Variants in CRTC3 observed in about 807,000 individuals in gnomAD.
The protein encoded by CRTC3 is CREB-regulated transcription coactivator 3.
A neutral mutation model predicts 74.5 loss-of-function variants in CRTC3; 26 were observed. That is an observed-to-expected ratio of 0.35 (90% CI 0.26 to 0.48). The LOEUF is 0.48. CRTC3 is among the 20% of genes least tolerant of loss of function. The pLI is 0.99. For missense variants in CRTC3, 760 were observed against 787.3 expected, an observed-to-expected ratio of 0.97 and a Z score of 0.41; for synonymous variants, 377 against 325.8, an observed-to-expected ratio of 1.16 and a Z score of -1.69.
chr15:90,601,116 A>G (rs906539063), intron 3 of CRTC3, among the ~76,000 whole-genome samples: 1 of 152,340 alleles, frequency 6.6e-6, no homozygotes, highest in Middle Eastern at 3.4e-3. Flanking sequence ...TAGCAGAATA[A>G]TATGATTAAC....
chr15:90,540,197 A>G (rs1331614064), intron 2 of CRTC3, 60 bp downstream of exon 2: 3 of 1,159,690 alleles, frequency 2.6e-6, no homozygotes, highest in African/African-American at 3.1e-5. Flanking sequence ...GACAAAGATT[A>G]TCACTAAAAA....
At chr15:90,636,882 A>G (rs1969257949) in intron 11 of CRTC3, among the ~76,000 whole-genome samples, 1 of 152,210 alleles carries the variant, frequency 6.6e-6, no homozygotes, top group Non-Finnish European at 1.5e-5. Flanking sequence ...TAGAATGGCA[A>G]TCATTAAAAA....
At chr15:90,573,633 CTGT>C (rs1234483204) in intron 2 of CRTC3, among the ~76,000 whole-genome samples, 1 of 151,722 alleles carries the variant, frequency 6.6e-6, no homozygotes, top group Non-Finnish European at 1.5e-5. Flanking sequence ...CTGTTTTTTA[CTGT>C]TTTTTTTCCC....
At chr15:90,636,695 T>TCAAA (rs542969950) in intron 11 of CRTC3, among the ~76,000 whole-genome samples, 1 of 151,284 alleles carries the variant, frequency 6.6e-6, no homozygotes, top group Admixed American at 6.6e-5. Flanking sequence ...TACAAAGAAC[T>TCAAA]CAAATTTACA....
chr15:90,630,386 A>G (rs1191763046), intron 11 of CRTC3, among the ~76,000 whole-genome samples: 1 of 152,346 alleles, frequency 6.6e-6, no homozygotes, highest in Non-Finnish European at 1.5e-5. Flanking sequence ...TGAGGATTAT[A>G]TCTCTTATAA....
Position 90,638,489 on chromosome 15 carries a change from A to T in CRTC3, c.1310A>T (p.Glu437Val), listed in dbSNP as rs142366939. Residue 437 changes from glutamate (E) to valine (V), a missense_variant, in exon 12 of 15, where the codon GAA becomes GTA. Glu to Val is a moderately radical substitution (Grantham distance 121). Around this residue, in one of 2 missense-constraint regions of CRTC3, gnomAD observed 652 missense variants for 635.2 expected, o/e 1.03. Transcript: ENST00000268184. Reference sequence around the variant, plus strand: ...AGCCAACTTTCCTTTCTGCCCACAGAAGCTCAAGCCCAGGTGTCGCCGCCA... The same window carrying T: ...AGCCAACTTTCCTTTCTGCCCACAGTAGCTCAAGCCCAGGTGTCGCCGCCA... ...DRSQLSFLPTEAQAQVSPPPP... is the reference protein window; with the variant it reads ...DRSQLSFLPTVAQAQVSPPPP... 6.2e-7 allele frequency: 1 copy of T among 1,614,054 alleles called. No individual in the cohort carries two copies. Among genetic ancestry groups the T allele is most frequent in the East Asian group, 2.2e-5 (1 of 44,884 alleles).
chr15:90,615,883 G>A (rs912488076), intron 7 of CRTC3, among the ~76,000 whole-genome samples: 2 of 150,024 alleles, frequency 1.3e-5, no homozygotes, highest in African/African-American at 4.9e-5. Context: ...TTTTGGAGAC[G>A]GAGTCTCGCT....
intron 2 of CRTC3, among the ~76,000 whole-genome samples, chr15:90,571,703 T>C (rs1028742037): frequency 2.0e-5 from 3 of 152,162 alleles, no homozygotes; most frequent in African/African-American, 4.8e-5. Context: ...CCTTCTCTAC[T>C]TCACACCCTC....
chr15:90,641,263 T>C, intron 14 of CRTC3, 64 bp downstream of exon 14: 1 of 1,105,166 alleles, frequency 9.0e-7, no homozygotes, highest in Middle Eastern at 2.0e-4. Context: ...GGAACCTTCA[T>C]AAGAGAGTTT....
intron 2 of CRTC3, among the ~76,000 whole-genome samples, chr15:90,561,937 C>T (rs994676682): frequency 3.9e-5 from 6 of 152,232 alleles, no homozygotes; most frequent in Non-Finnish European, 7.3e-5. Context: ...GAAGATTCTA[C>T]ACAGGCCTTG....
chr15:90,607,732 G>C (rs1030579271), intron 6 of CRTC3, among the ~76,000 whole-genome samples: 6 of 152,122 alleles, frequency 3.9e-5, no homozygotes, highest in Admixed American at 1.3e-4. Context: ...CTGGGCACCC[G>C]TCATCTTCTA....
At chr15:90,579,082 C>T (rs1456248652) in intron 2 of CRTC3, among the ~76,000 whole-genome samples, 1 of 152,150 alleles carries the variant, frequency 6.6e-6, no homozygotes, top group Non-Finnish European at 1.5e-5. Context: ...AAATTGCATC[C>T]TTACTAAACA....
In CRTC3 at chr15:90,625,988, C is replaced by T. The variant is rs771787441; in HGVS notation, c.962C>T (p.Ser321Phe). ...ATGACCCACCTGGGTATAAGAAGCT[C>T]CTCTGGTGAGTATCTCCTGCTTAGC... ...AAMTHLGIRS[S>F]SGLQSSRSNP... The change falls in exon 10 of 15, where the codon TCC (serine) becomes TTC (phenylalanine). Residue 321 changes from serine (S) to phenylalanine (F), a missense_variant. Physicochemically the swap from Ser to Phe is radical, Grantham distance 155. This residue lies in a region of CRTC3 where 652 missense variants were observed against 635.2 expected (regional missense o/e 1.03). Coordinates refer to ENST00000268184, the MANE Select transcript of CRTC3 (RefSeq NM_022769.5). 2 of 1,613,218 alleles carry T rather than the reference C, an allele frequency of 1.2e-6. No individual in the cohort carries two copies. Among genetic ancestry groups the T allele is most frequent in the East Asian group, 2.2e-5 (1 of 44,882 alleles).
rs959966329 is a variant in CRTC3, at chr15:90,614,635, C to G, written c.613+147C>G. ...GATTGGCTTACTTTTCAGAGAGCCT[C>G]TAGAAAATTAAGGCTAGCCATGTTC... On this transcript the variant is annotated intron_variant, in intron 7 of 14. Coordinates refer to ENST00000268184, the MANE Select transcript of CRTC3 (RefSeq NM_022769.5). 17 of 562,958 alleles carry G rather than the reference C, an allele frequency of 3.0e-5. No individual in the cohort carries two copies. In the African/African-American group the frequency reaches 3.3e-4, roughly 11 times the overall value. 34.9% of individuals were successfully genotyped at this position (562,958 alleles called of 1,614,324 possible).
At chr15:90,633,394 A>T (rs1969114355) in intron 11 of CRTC3, among the ~76,000 whole-genome samples, 1 of 151,852 alleles carries the variant, frequency 6.6e-6, no homozygotes, top group South Asian at 2.1e-4. Flanking sequence ...CTGCCATTTA[A>T]TTATTATTTG....
At chr15:90,563,513 A>G (rs1967057994) in intron 2 of CRTC3, among the ~76,000 whole-genome samples, 1 of 152,014 alleles carries the variant, frequency 6.6e-6, no homozygotes, top group Non-Finnish European at 1.5e-5. Context: ...TAAAGGGGAA[A>G]CATTTAATGA....
intron 3 of CRTC3, chr15:90,598,188 A>C: frequency 2.0e-6 from 1 of 496,714 alleles, no homozygotes; most frequent in Non-Finnish European, 3.6e-6. Flanking sequence ...TGCCCCGACA[A>C]GGCAGTTCCT....
chr15:90,645,108 T>C lies in CRTC3; in HGVS notation c.*2968T>C, dbSNP rs1451735821. 2 of 230,378 alleles carry C rather than the reference T, an allele frequency of 8.7e-6. No homozygotes were observed. The highest frequency in any genetic ancestry group is 1.7e-5 in the Non-Finnish European group (2 of 116,162). The allele number at this position is 230,378 out of a possible 1,614,324, so 14.3% of individuals were successfully genotyped here. On this transcript the variant is annotated 3_prime_UTR_variant, in exon 15 of 15. Coordinates refer to ENST00000268184, the MANE Select transcript of CRTC3 (RefSeq NM_022769.5). ...ATGCGTATTTGCAGACCTTTCCTGTTCCCACTCTTGTTGGCTCTTCTGATT... is the reference window on the plus strand; with the variant it reads ...ATGCGTATTTGCAGACCTTTCCTGTCCCCACTCTTGTTGGCTCTTCTGATT...
chr15:90,607,350 C>T, intron 5 of CRTC3, 28 bp from the exon 6 acceptor site: 1 of 1,401,766 alleles, frequency 7.1e-7, no homozygotes, highest in Non-Finnish European at 1.0e-6. Context: ...AACGGATTTT[C>T]AGCCAGCCTC....
Sources: gnomAD v4.1 joint callset for allele counts (sites outside exome capture counted in the v4.1 genomes callset) on GRCh38, gnomAD v4.1.1 for gene constraint, gnomAD v4.1.1 regional missense constraint, MANE v1.5 for transcripts, NCBI Gene and HGNC (gene_info 2026-07-23, HGNC 2026-07-21) for gene names.